The following NYAP2 variants were observed in gnomAD, a reference collection of about 807,000 sequenced individuals.
NYAP2 encodes the protein neuronal tyrosine-phosphorylated phosphoinositide-3-kinase adaptor 2, also known as neuronal tyrosine-phosphorylated phosphoinositide-3-kinase adapter 2.
Under a neutral mutation model 50.4 loss-of-function variants are expected in NYAP2, and 23 were observed. That is an observed-to-expected ratio of 0.46 (90% CI 0.33 to 0.65). The LOEUF (loss-of-function observed/expected upper bound fraction) is 0.65, where lower values mean the gene tolerates loss of function less well. Ranked by LOEUF, NYAP2 falls within the 30% of genes least tolerant of loss-of-function variation. The pLI, the probability that NYAP2 is intolerant of heterozygous loss-of-function variation, is 0.02. For synonymous variants in NYAP2, 394 were observed against 365.2 expected, an observed-to-expected ratio of 1.08 and a Z score of -0.90; for missense variants, 885 against 861.0, an observed-to-expected ratio of 1.03 and a Z score of -0.35.
chr2:225,567,790 A>C (rs932267329), intron 4 of NYAP2, among the ~76,000 whole-genome samples: 10 of 152,126 alleles, frequency 6.6e-5, no homozygotes, highest in Non-Finnish European at 5.9e-5. Context: ...GAACAGTGGT[A>C]GTTTGGTTTG....
chr2:225,432,176 T>TAGG (rs1392177746), intron 3 of NYAP2, among the ~76,000 whole-genome samples: 2 of 149,428 alleles, frequency 1.3e-5, no homozygotes, highest in Non-Finnish European at 3.0e-5. Context: ...TTGGTATTTT[T>TAGG]AGGAGAGACG....
chr2:225,686,657 G>A, the NYAP2 span, among the ~76,000 whole-genome samples: 1 of 152,116 alleles, frequency 6.6e-6, no homozygotes, highest in Non-Finnish European at 1.5e-5. Flanking sequence ...TTCTTTTGAT[G>A]CTGTACCCAT....
chr2:225,679,327 C>T, the NYAP2 span, among the ~76,000 whole-genome samples: 4 of 152,038 alleles, frequency 2.6e-5, no homozygotes, highest in African/African-American at 9.6e-5. Flanking sequence ...GTGCAGAGAG[C>T]ATCTTGGTAT....
At chr2:225,666,240 G>T in the NYAP2 span, among the ~76,000 whole-genome samples, 1 of 152,006 alleles carries the variant, frequency 6.6e-6, no homozygotes, top group Non-Finnish European at 1.5e-5. Context: ...GCACCACCAA[G>T]CAAACACCAA....
intron 5 of NYAP2, among the ~76,000 whole-genome samples, chr2:225,620,836 C>T (rs1559232167): frequency 6.6e-6 from 1 of 152,094 alleles, no homozygotes; most frequent in Admixed American, 6.5e-5. Context: ...TGGAAGAGGG[C>T]CAGGCGCGGT....
chr2:225,568,783 A>C (rs1254234701), intron 4 of NYAP2, among the ~76,000 whole-genome samples: 1 of 152,240 alleles, frequency 6.6e-6, no homozygotes, highest in South Asian at 2.1e-4. Context: ...TTGGATGTGC[A>C]TAGAAGACTT....
chr2:225,544,258 G>C (rs1177161491), intron 4 of NYAP2, among the ~76,000 whole-genome samples: 1 of 150,552 alleles, frequency 6.6e-6, no homozygotes, highest in Non-Finnish European at 1.5e-5. Context: ...TCTGTGTTTT[G>C]ATTGGAGAGT....
chr2:225,431,949 C>T (rs1689272550), intron 3 of NYAP2, among the ~76,000 whole-genome samples: 1 of 151,794 alleles, frequency 6.6e-6, no homozygotes, highest in African/African-American at 2.4e-5. Context: ...TAATTTATAA[C>T]AATGATAGGG....
intron 4 of NYAP2, among the ~76,000 whole-genome samples, chr2:225,529,837 A>G (rs1482730710): frequency 1.3e-5 from 2 of 152,128 alleles, no homozygotes; most frequent in African/African-American, 2.4e-5. Context: ...CCTCCTGAGT[A>G]GCTAAGAGTA....
intron 4 of NYAP2, among the ~76,000 whole-genome samples, chr2:225,537,945 C>T (rs913813647): frequency 6.6e-6 from 1 of 152,168 alleles, no homozygotes; most frequent in African/African-American, 2.4e-5. Flanking sequence ...GCTACAGGCC[C>T]CATGCAAGTC....
chr2:225,575,037 T>C (rs1052478090), intron 4 of NYAP2, among the ~76,000 whole-genome samples: 3 of 152,182 alleles, frequency 2.0e-5, no homozygotes, highest in African/African-American at 7.2e-5. Flanking sequence ...CTCTGTCTCC[T>C]GCAATCCTGT....
chr2:225,461,962 T>C (rs1004214974), intron 3 of NYAP2, among the ~76,000 whole-genome samples: 3 of 152,344 alleles, frequency 2.0e-5, no homozygotes, highest in Admixed American at 6.5e-5. Flanking sequence ...TAATTGAATG[T>C]GGGTGTCTCA....
chr2:225,513,395 C>A, exon 4 of NYAP2: 2 of 1,613,934 alleles, frequency 1.2e-6, no homozygotes, highest in African/African-American at 1.3e-5. Context: ...TAGGGCGAGG[C>A]CACGAAGGAA....
rs61747063 is a variant in NYAP2 at position 225,409,033 on chromosome 2, T to G, written c.153T>G (p.Asn51Lys). The G allele has an allele frequency of 4.5e-3, 7,305 of 1,612,234 alleles. 26 individuals are homozygous for G. Among genetic ancestry groups the G allele is most frequent in the Middle Eastern group, 6.8e-3 (41 of 6,050 alleles). Residue 51 changes from asparagine to lysine, a missense_variant, in exon 3 of 7, where the codon AAT (asparagine) becomes AAG (lysine). Coordinates refer to ENST00000636099, the Ensembl canonical transcript of NYAP2. ...CTCGAGAGAATGATCGCTTGAGAAA[T>G]GAAACTAACCTAGCCTATTTGAAAG...
At chr2:225,611,202 A>G (rs1369463964) in intron 5 of NYAP2, among the ~76,000 whole-genome samples, 1 of 152,164 alleles carries the variant, frequency 6.6e-6, no homozygotes, top group South Asian at 2.1e-4. Flanking sequence ...GTTTCCAGAC[A>G]CTTCCCTTCT....
chr2:225,596,702 A>G (rs1015817787), intron 5 of NYAP2, among the ~76,000 whole-genome samples: 1 of 152,226 alleles, frequency 6.6e-6, no homozygotes, highest in Admixed American at 6.5e-5. Flanking sequence ...TGCCAAGATC[A>G]ACAGTAGTTA....
intron 5 of NYAP2, among the ~76,000 whole-genome samples, chr2:225,609,881 C>T (rs555123248): frequency 8.3e-4 from 127 of 152,232 alleles, no homozygotes; most frequent in Middle Eastern, 3.4e-3. Context: ...ATCCAGAAAG[C>T]ATGTGGTAAA....
chr2:225,660,440 CA>C, the NYAP2 span, among the ~76,000 whole-genome samples: 1 of 68,266 alleles, frequency 1.5e-5, no homozygotes, highest in East Asian at 5.2e-4. Flanking sequence ...ACACAGGATA[CA>C]TTTTTTTTTT....
At chr2:225,430,362 T>A (rs182148370) in intron 3 of NYAP2, among the ~76,000 whole-genome samples, 11 of 152,332 alleles carry the variant, frequency 7.2e-5, no homozygotes, top group East Asian at 1.9e-4. Context: ...TCTGCCCATG[T>A]TTTTTAGATT....
Sources: gnomAD v4.1 joint callset for allele counts (sites outside exome capture counted in the v4.1 genomes callset) on GRCh38, gnomAD v4.1.1 for gene constraint, MANE v1.5 for transcripts, NCBI Gene and HGNC (gene_info 2026-07-23, HGNC 2026-07-21) for gene names.